CHCHD3: variants seen among roughly 807,000 people sequenced by gnomAD.
The protein encoded by CHCHD3 is MICOS complex subunit MIC19.
In CHCHD3, 20 loss-of-function variants were observed where a neutral mutation model predicts 38.2. The ratio of observed to expected loss-of-function variants is 0.52; its 90% CI spans 0.37 to 0.76. The LOEUF is 0.76. CHCHD3 is among the 30% of genes least tolerant of loss of function. The probability of loss-of-function intolerance (pLI) is 0.00; values close to 1 mark genes in which losing one functional copy is unlikely to be tolerated. For synonymous variants in CHCHD3, 82 were observed against 100.0 expected (o/e 0.82, Z 1.07); for missense variants, 245 against 279.2 (o/e 0.88, Z 0.87).
intron 2 of CHCHD3, among the ~76,000 whole-genome samples, chr7:133,056,191 A>C (rs1814325879): frequency 6.6e-6 from 1 of 152,070 alleles, no homozygotes; most frequent in East Asian, 1.9e-4. Flanking sequence ...TATAGAAGCA[A>C]ATCCCCACTC....
At position 132,811,587 on chromosome 7, in the gene CHCHD3, C is replaced by T. The variant is rs577724312; in HGVS notation, c.525-15010G>A. 3.9e-5 allele frequency among the ~76,000 whole-genome samples: 6 copies of T among 152,314 alleles called. No homozygotes were observed. The East Asian group carries it at 1.2e-3, about 29-fold the overall frequency. ...TATCCATGCCAAAGTGGCTTTCATT[C>T]AACTGTTGGATAGAACTGCTCTTGC... is the stretch of plus-strand genomic sequence containing the variant. On this transcript the variant is annotated intron_variant, in intron 6 of 7. Coordinates refer to ENST00000262570, the MANE Select transcript of CHCHD3 (RefSeq NM_017812.4).
chr7:132,793,342 G>C (rs1239465997), intron 7 of CHCHD3, among the ~76,000 whole-genome samples: 3 of 152,220 alleles, frequency 2.0e-5, no homozygotes, highest in Non-Finnish European at 4.4e-5. Context: ...ACAGGACTAT[G>C]TATCAATCGA....
chr7:133,000,569 T>C (rs904502421), intron 3 of CHCHD3, among the ~76,000 whole-genome samples: 1 of 152,186 alleles, frequency 6.6e-6, no homozygotes, highest in Non-Finnish European at 1.5e-5. Flanking sequence ...TTTAGCTTTT[T>C]TCACTTATGT....
At chr7:133,057,358 T>C (rs1184925938) in intron 2 of CHCHD3, among the ~76,000 whole-genome samples, 1 of 152,058 alleles carries the variant, frequency 6.6e-6, no homozygotes, top group Non-Finnish European at 1.5e-5. Context: ...AGCCAGGAGT[T>C]TGAGACCAGC....
chr7:132,914,135 T>C lies in CHCHD3; in HGVS notation c.370-28390A>G, dbSNP rs1190673131. ...CCACCATGCCTGGCGTGTGTGTGTG[T>C]GTGTGTGTGTGTGTGTGTGTGTGTG... On this transcript the variant is annotated intron_variant, in intron 4 of 7. Transcript: ENST00000262570. 2.0e-5 allele frequency among the ~76,000 whole-genome samples: 3 copies of C among 148,484 alleles called. No individual in the cohort carries two copies. In the East Asian group the frequency reaches 6.0e-4, roughly 30 times the overall value.
intron 3 of CHCHD3, among the ~76,000 whole-genome samples, chr7:133,008,420 GAAAAGAAAAAAAA>G (rs535687749): frequency 6.6e-4 from 76 of 114,732 alleles, no homozygotes; most frequent in South Asian, 1.8e-3. Flanking sequence ...CACACATGCA[GAAAAGAAAAAAAA>G]AAAAGAAAAA....
intron 2 of CHCHD3, among the ~76,000 whole-genome samples, chr7:133,050,176 G>A (rs1036788262): frequency 1.3e-5 from 2 of 151,614 alleles, no homozygotes; most frequent in Non-Finnish European, 2.9e-5. Flanking sequence ...GTGAAACCCT[G>A]TCTCTACTAA....
At chr7:133,019,537 C>T (rs1358541741) in intron 3 of CHCHD3, among the ~76,000 whole-genome samples, 1 of 151,996 alleles carries the variant, frequency 6.6e-6, no homozygotes, top group African/African-American at 2.4e-5. Context: ...TTTATTAAAC[C>T]ACTCATTATA....
chr7:133,051,148 A>G (rs887648185), intron 2 of CHCHD3, among the ~76,000 whole-genome samples: 12 of 152,248 alleles, frequency 7.9e-5, no homozygotes, highest in African/African-American at 2.2e-4. Flanking sequence ...GCCAGAAAGC[A>G]TAACAACAAT....
At chr7:132,904,619 A>G (rs892894501) in intron 4 of CHCHD3, among the ~76,000 whole-genome samples, 3 of 152,182 alleles carry the variant, frequency 2.0e-5, no homozygotes, top group Non-Finnish European at 4.4e-5. Context: ...GTGGAGAAAT[A>G]GGAACACTTT....
In CHCHD3 at chr7:132,827,231, T is replaced by A. The variant is rs1264792420; in HGVS notation, c.524+11168A>T. On this transcript the variant is annotated intron_variant, in intron 6 of 7. Transcript: ENST00000262570. The stretch of plus-strand genomic sequence containing the variant: ...TTTTAGGTATAATTAACACACAGGT[T>A]GAGTATCCTTTATTTGAAATGCTTG... Among the ~76,000 whole-genome samples the A allele has an allele frequency of 1.3e-5, 2 of 152,252 alleles. 1 individual carries two copies. The highest frequency in any genetic ancestry group is 4.1e-4 in the South Asian group (2 of 4,834).
At chr7:132,993,402 G>GT in intron 3 of CHCHD3, among the ~76,000 whole-genome samples, 1 of 152,302 alleles carries the variant, frequency 6.6e-6, no homozygotes, top group South Asian at 2.1e-4. Flanking sequence ...AATTGAGGGT[G>GT]TATTAAAATC....
intron 4 of CHCHD3, among the ~76,000 whole-genome samples, chr7:132,903,518 A>G (rs1303024562): frequency 6.6e-6 from 1 of 152,164 alleles, no homozygotes; most frequent in African/African-American, 2.4e-5. Context: ...GAGCTGTCTC[A>G]TGAACACAGA....
At chr7:132,956,514 C>A (rs1258628633) in intron 4 of CHCHD3, among the ~76,000 whole-genome samples, 2 of 152,168 alleles carry the variant, frequency 1.3e-5, no homozygotes, top group Non-Finnish European at 2.9e-5. Flanking sequence ...TTATGACAGG[C>A]AAGTCAAGTT....
At chr7:132,807,371 C>T (rs896543303) in intron 6 of CHCHD3, among the ~76,000 whole-genome samples, 9 of 151,996 alleles carry the variant, frequency 5.9e-5, no homozygotes, top group Admixed American at 3.9e-4. Flanking sequence ...AATATATTTA[C>T]TCATTTACTG....
In CHCHD3 at chr7:132,969,594, C is replaced by T. The variant is rs148204706; in HGVS notation, c.369+5575G>A. ...ACTAGAAACCTTGCTTGTAGTTAGG[C>T]TTGACATTTCTCTCAACCCTTCAAA... On this transcript the variant is annotated intron_variant, in intron 4 of 7. Transcript: ENST00000262570. Among the ~76,000 whole-genome samples the T allele has an allele frequency of 1.6e-4, 25 of 152,314 alleles. No homozygotes were observed. In the East Asian group the frequency reaches 4.8e-3, roughly 29 times the overall value.
chr7:132,991,757 C>G (rs1198636042), intron 3 of CHCHD3, among the ~76,000 whole-genome samples: 1 of 151,038 alleles, frequency 6.6e-6, no homozygotes, highest in Non-Finnish European at 1.5e-5. Context: ...TTTTTTTTTT[C>G]CTCAAGGATT....
intron 2 of CHCHD3, among the ~76,000 whole-genome samples, chr7:133,027,912 C>A (rs1161276874): frequency 6.6e-6 from 1 of 152,140 alleles, no homozygotes; most frequent in Non-Finnish European, 1.5e-5. Flanking sequence ...TTGGATAAAT[C>A]AGTTAATCTA....
At chr7:132,794,187 G>A (rs1296809917) in intron 7 of CHCHD3, among the ~76,000 whole-genome samples, 4 of 152,064 alleles carry the variant, frequency 2.6e-5, no homozygotes, top group Non-Finnish European at 5.9e-5. Flanking sequence ...TATCGCTTTC[G>A]CTCTCACTTT....
Sources: allele counts gnomAD v4.1 joint callset (sites outside exome capture counted in the v4.1 genomes callset), GRCh38; gene constraint gnomAD v4.1.1; transcripts MANE v1.5; gene names NCBI Gene and HGNC (gene_info 2026-07-23, HGNC 2026-07-21).